ANKS1B: variants seen among roughly 807,000 people sequenced by gnomAD.
ANKS1B encodes the protein ankyrin repeat and sterile alpha motif domain-containing protein 1B.
In ANKS1B, 36 loss-of-function variants were observed where a neutral mutation model predicts 148.3. The ratio of observed to expected loss-of-function variants is 0.24; its 90% confidence interval spans 0.19 to 0.32. The LOEUF (loss-of-function observed/expected upper bound fraction) is 0.32, where lower values mean the gene tolerates loss of function less well. Ranked by LOEUF, ANKS1B falls within the 10% of genes least tolerant of loss-of-function variation. The pLI, the probability that ANKS1B is intolerant of heterozygous loss-of-function variation, is 1.00. For synonymous variants in ANKS1B, 542 were observed against 560.8 expected (o/e 0.97, Z 0.47); for missense variants, 1,157 against 1,542.6 (o/e 0.75, Z 4.19).
intron 8 of ANKS1B, among the ~76,000 whole-genome samples, chr12:99,737,529 C>A (rs2059721654): frequency 2.0e-5 from 3 of 152,088 alleles, no homozygotes. Flanking sequence ...CTTCCCACTT[C>A]TTTTCCCCAT....
At chr12:99,150,118 T>C (rs541097722) in intron 15 of ANKS1B, among the ~76,000 whole-genome samples, 1 of 152,274 alleles carries the variant, frequency 6.6e-6, no homozygotes, top group African/African-American at 2.4e-5. Context: ...AGGGTACTAA[T>C]GGTCCATGTT....
intron 6 of ANKS1B, among the ~76,000 whole-genome samples, chr12:99,776,400 A>T (rs909270055): frequency 2.0e-5 from 3 of 152,226 alleles, no homozygotes; most frequent in African/African-American, 7.2e-5. Flanking sequence ...AAAGATTACA[A>T]GTAAAGGAGG....
intron 9 of ANKS1B, among the ~76,000 whole-genome samples, chr12:99,540,338 T>C (rs932328260): frequency 3.9e-5 from 6 of 152,280 alleles, no homozygotes; most frequent in Middle Eastern, 6.8e-3. Flanking sequence ...TAGACTACTC[T>C]ACCAAACAAC....
chr12:99,969,135 A>G (rs1398092688), intron 1 of ANKS1B, among the ~76,000 whole-genome samples: 1 of 152,168 alleles, frequency 6.6e-6, no homozygotes, highest in Non-Finnish European at 1.5e-5. Flanking sequence ...GTTAGACAAT[A>G]TCAAGCACCT....
intron 1 of ANKS1B, among the ~76,000 whole-genome samples, chr12:99,978,068 T>C (rs78382165): frequency 0.021 from 3,178 of 152,320 alleles, 114 homozygotes; most frequent in African/African-American, 0.072. Context: ...AGGCTTCTGA[T>C]AGAATTTTCC....
chr12:99,642,142 CAA>C (rs1214854081), intron 9 of ANKS1B, among the ~76,000 whole-genome samples: 1 of 152,026 alleles, frequency 6.6e-6, no homozygotes, highest in Non-Finnish European at 1.5e-5. Context: ...TTTCCAAAGG[CAA>C]AATTATAGTT....
intron 9 of ANKS1B, among the ~76,000 whole-genome samples, chr12:99,614,624 A>T (rs991022007): frequency 6.6e-6 from 1 of 151,904 alleles, no homozygotes; most frequent in Admixed American, 6.6e-5. Flanking sequence ...GACTGTTCCT[A>T]TACAAATGCA....
At chr12:99,154,659 C>G (rs529613327) in intron 14 of ANKS1B, 1 of 1,439,406 alleles carries the variant, frequency 6.9e-7, no homozygotes, top group East Asian at 2.5e-5. Flanking sequence ...CCGACCAGTA[C>G]GTCATACAGC....
intron 9 of ANKS1B, among the ~76,000 whole-genome samples, chr12:99,532,907 T>C (rs9634184): frequency 0.47 from 71,832 of 151,992 alleles, 17,185 homozygotes; most frequent in East Asian, 0.6. Context: ...CAGTACCATG[T>C]TATTTTGGTT....
chr12:99,107,021 T>C (rs1450735299), intron 15 of ANKS1B, among the ~76,000 whole-genome samples: 1 of 152,002 alleles, frequency 6.6e-6, no homozygotes, highest in Non-Finnish European at 1.5e-5. Context: ...CCCTACTCCA[T>C]TACACCACAA....
At chr12:99,320,559 T>C (rs1204123505) in intron 12 of ANKS1B, among the ~76,000 whole-genome samples, 1 of 152,202 alleles carries the variant, frequency 6.6e-6, no homozygotes, top group East Asian at 1.9e-4. Context: ...ATTTAAGGTC[T>C]TCTCTACACT....
intron 9 of ANKS1B, chr12:99,648,716 G>T: frequency 6.2e-7 from 1 of 1,614,070 alleles, no homozygotes. Flanking sequence ...GAGGCTTACA[G>T]TGATACCAGG....
At position 98,751,572 on chromosome 12, in the gene ANKS1B, A is replaced by C. The variant is rs1284584205; in HGVS notation, c.3580-50T>G. The C allele has an allele frequency of 1.3e-6, 2 of 1,569,058 alleles. No homozygotes were observed. The highest frequency in any genetic ancestry group is 1.7e-6 in the Non-Finnish European group (2 of 1,144,874). Reference sequence around the variant, plus strand: ...TGCTACTGGCACACTGCAAATTAGAATGGGTCGAATGGCTGAGGAACACTG... The same window carrying C: ...TGCTACTGGCACACTGCAAATTAGACTGGGTCGAATGGCTGAGGAACACTG... On this transcript the variant is annotated intron_variant, in intron 25 of 26. Transcript: ENST00000683438. This position sits in a 1 kb window ranked among gnomAD's most constrained non-coding sequence, Gnocchi z 4.3.
intron 4 of ANKS1B, among the ~76,000 whole-genome samples, chr12:99,788,083 G>A (rs1441844699): frequency 6.6e-6 from 1 of 152,202 alleles, no homozygotes. Flanking sequence ...AAATCCTAGT[G>A]CTAGGCTAGG....
rs192242851 is a variant in ANKS1B at position 99,077,329 on chromosome 12, G to A, written c.2625+7596C>T. ...GTAGGCCAACACTGAGTGGCAGTGA[G>A]TTTAAGACATGCAATAAAAAGAATA... On this transcript the variant is annotated intron_variant, in intron 16 of 26. Coordinates refer to ENST00000683438, the MANE Select transcript of ANKS1B (RefSeq NM_001352186.2). 9.2e-5 allele frequency among the ~76,000 whole-genome samples: 14 copies of A among 152,288 alleles called. No individual in the cohort carries two copies. The East Asian group carries it at 2.7e-3, about 29-fold the overall frequency.
chr12:99,532,316 G>A (rs1303427043), intron 9 of ANKS1B, among the ~76,000 whole-genome samples: 2 of 152,204 alleles, frequency 1.3e-5, no homozygotes, highest in South Asian at 2.1e-4. Flanking sequence ...CAATTTTTAT[G>A]GTTTCAGGTC....
chr12:99,861,352 C>T lies in ANKS1B; in HGVS notation c.135-35963G>A, dbSNP rs114516929. Reference sequence around the variant, plus strand: ...TCAATGGTAGAAAAATTCCCTTGTACAGTAAATCAAATTGTTAAGAAGTGT... The same window carrying T: ...TCAATGGTAGAAAAATTCCCTTGTATAGTAAATCAAATTGTTAAGAAGTGT... On this transcript the variant is annotated intron_variant, in intron 1 of 26. Transcript: ENST00000683438. 7.8e-3 allele frequency among the ~76,000 whole-genome samples: 1,189 copies of T among 152,250 alleles called. 13 individuals carry two copies. The highest frequency in any genetic ancestry group is 0.027 in the African/African-American group (1,124 of 41,550).
intron 4 of ANKS1B, among the ~76,000 whole-genome samples, chr12:99,789,172 G>A (rs186644321): frequency 6.6e-6 from 1 of 152,270 alleles, no homozygotes; most frequent in East Asian, 1.9e-4. Context: ...CAGAAAGACA[G>A]ACTCTGTTTC....
intron 17 of ANKS1B, among the ~76,000 whole-genome samples, chr12:99,044,114 T>C (rs1401108947): frequency 6.6e-6 from 1 of 152,226 alleles, no homozygotes; most frequent in Non-Finnish European, 1.5e-5. Context: ...TTGTATTTTC[T>C]ATACTATATA....
Sources: gnomAD v4.1 joint callset for allele counts (sites outside exome capture counted in the v4.1 genomes callset) on GRCh38, gnomAD v4.1.1 for gene constraint, Gnocchi (gnomAD v3.1) non-coding constraint, MANE v1.5 for transcripts, NCBI Gene and HGNC (gene_info 2026-07-23, HGNC 2026-07-21) for gene names.